The following AUTS2 variants were observed in gnomAD, a reference collection of about 807,000 sequenced individuals.
AUTS2 encodes the protein activator of transcription and developmental regulator AUTS2.
In AUTS2, 17 loss-of-function variants were observed where a neutral mutation model predicts 112.4. That is an observed-to-expected ratio of 0.15 (90% confidence interval 0.10 to 0.23). The LOEUF (loss-of-function observed/expected upper bound fraction) is 0.23. AUTS2 is among the 10% of genes least tolerant of loss of function. The probability of loss-of-function intolerance (pLI) is 1.00; values close to 1 mark genes in which losing one functional copy is unlikely to be tolerated. For synonymous variants in AUTS2, 751 were observed against 702.7 expected (o/e 1.07, Z -1.09); for missense variants, 1,510 against 1,701.6 (o/e 0.89, Z 1.98).
At chr7:70,477,230 T>G (rs1377289152) in intron 5 of AUTS2, among the ~76,000 whole-genome samples, 1 of 152,200 alleles carries the variant, frequency 6.6e-6, no homozygotes, top group Non-Finnish European at 1.5e-5. Context: ...AGCCATATTT[T>G]TCAGTTGCCA....
At chr7:70,135,109 A>T (rs371975992) in intron 4 of AUTS2, among the ~76,000 whole-genome samples, 4 of 152,066 alleles carry the variant, frequency 2.6e-5, no homozygotes, top group South Asian at 2.1e-4. Flanking sequence ...CTAAAATGCA[A>T]AGTTTATTTC....
intron 4 of AUTS2, among the ~76,000 whole-genome samples, chr7:70,218,826 C>T (rs571370921): frequency 5.9e-5 from 9 of 152,132 alleles, no homozygotes; most frequent in Non-Finnish European, 1.0e-4. Flanking sequence ...CCAGAACCTA[C>T]CTTCTTCCAG....
At chr7:70,383,449 G>T (rs1196921464) in intron 4 of AUTS2, among the ~76,000 whole-genome samples, 1 of 152,200 alleles carries the variant, frequency 6.6e-6, no homozygotes, top group African/African-American at 2.4e-5. Context: ...CCCATTGCCT[G>T]TAAGAAAGCC....
intron 2 of AUTS2, among the ~76,000 whole-genome samples, chr7:69,988,159 G>A (rs1056146497): frequency 3.9e-5 from 6 of 152,234 alleles, no homozygotes; most frequent in Middle Eastern, 3.4e-3. Context: ...CTTTTTTAGA[G>A]TCTCTTTTTT....
intron 5 of AUTS2, among the ~76,000 whole-genome samples, chr7:70,695,281 C>G (rs942657424): frequency 1.3e-5 from 2 of 152,182 alleles, no homozygotes; most frequent in Non-Finnish European, 2.9e-5. Flanking sequence ...CGGCCGGGCT[C>G]GGCCGGAGCT....
intron 1 of AUTS2, among the ~76,000 whole-genome samples, chr7:69,820,833 C>T (rs373859897): frequency 7.9e-5 from 12 of 152,176 alleles, no homozygotes; most frequent in East Asian, 3.9e-4. Flanking sequence ...CACACACACA[C>T]TCCGGACAAG....
chr7:69,906,612 A>G (rs1342322901), intron 2 of AUTS2, among the ~76,000 whole-genome samples: 1 of 152,220 alleles, frequency 6.6e-6, no homozygotes, highest in African/African-American at 2.4e-5. Flanking sequence ...GTTAATTGAA[A>G]ATGAAATTGT....
rs558283554 is a variant in AUTS2, at chr7:70,347,587, G to A, written c.661-88165G>A. Among the ~76,000 whole-genome samples the A allele has an allele frequency of 2.0e-5, 3 of 152,198 alleles. No individual in the cohort carries two copies. The South Asian group carries it at 6.2e-4, about 32-fold the overall frequency. ...AACCAGGAAGCAGAAGAGAACCCCA[G>A]CCACCTACCTACACTTCCCCCTCTT... On this transcript the variant is annotated intron_variant, in intron 4 of 18. Transcript: ENST00000342771.
At chr7:70,245,410 TTA>T (rs920737282) in intron 4 of AUTS2, among the ~76,000 whole-genome samples, 1 of 152,078 alleles carries the variant, frequency 6.6e-6, no homozygotes, top group African/African-American at 2.4e-5. Flanking sequence ...CAGTGAACAA[TTA>T]TTTGCCTTGC....
intron 5 of AUTS2, among the ~76,000 whole-genome samples, chr7:70,552,007 A>G (rs1005560423): frequency 3.9e-5 from 6 of 152,356 alleles, no homozygotes; most frequent in South Asian, 4.1e-4. Flanking sequence ...TTGCTGAATT[A>G]TCTCTGCCTC....
intron 2 of AUTS2, among the ~76,000 whole-genome samples, chr7:69,934,484 C>T (rs1196194343): frequency 6.6e-6 from 1 of 152,080 alleles, no homozygotes; most frequent in African/African-American, 2.4e-5. Context: ...GTGGAATTAT[C>T]CTGATGAAAG....
intron 1 of AUTS2, among the ~76,000 whole-genome samples, chr7:69,644,039 G>C (rs1794913609): frequency 1.3e-5 from 2 of 152,196 alleles, no homozygotes; most frequent in South Asian, 4.1e-4. Context: ...GCCCCCACCA[G>C]AACCCTATCA....
chr7:70,506,434 C>G (rs546937222), intron 5 of AUTS2, among the ~76,000 whole-genome samples: 2 of 152,256 alleles, frequency 1.3e-5, no homozygotes, highest in Non-Finnish European at 2.9e-5. Flanking sequence ...CATAGTTTAG[C>G]TTTTATCATC....
intron 6 of AUTS2, among the ~76,000 whole-genome samples, chr7:70,727,287 A>C (rs1787094628): frequency 6.6e-6 from 1 of 152,176 alleles, no homozygotes; most frequent in East Asian, 1.9e-4. Context: ...CTGTCATAGC[A>C]AGCAAAAGGG....
intron 4 of AUTS2, among the ~76,000 whole-genome samples, chr7:70,176,294 G>A (rs1253990388): frequency 1.3e-5 from 2 of 152,162 alleles, no homozygotes; most frequent in Non-Finnish European, 2.9e-5. Context: ...AATAGTAGTA[G>A]TATAATAAAA....
At chr7:70,675,523 A>G (rs1807867235) in intron 5 of AUTS2, among the ~76,000 whole-genome samples, 1 of 152,176 alleles carries the variant, frequency 6.6e-6, no homozygotes, top group Admixed American at 6.5e-5. Context: ...CGTTTGTTCC[A>G]GTTCTCTACT....
At chr7:70,011,934 G>C (rs2129554281) in intron 2 of AUTS2, among the ~76,000 whole-genome samples, 1 of 152,230 alleles carries the variant, frequency 6.6e-6, no homozygotes, top group Middle Eastern at 3.4e-3. Context: ...CTACACAGTG[G>C]AGAGGAGGGA....
chr7:69,950,074 G>A (rs1434823559), intron 2 of AUTS2, among the ~76,000 whole-genome samples: 2 of 151,884 alleles, frequency 1.3e-5, no homozygotes, highest in African/African-American at 4.8e-5. Context: ...GAATAATTGG[G>A]GCTGATTTTT....
intron 2 of AUTS2, among the ~76,000 whole-genome samples, chr7:70,084,189 T>A (rs1803470805): frequency 6.6e-6 from 1 of 152,114 alleles, no homozygotes; most frequent in South Asian, 2.1e-4. Flanking sequence ...TGTTTGTCCT[T>A]TTTTTTGGAG....
Sources: gnomAD v4.1 joint callset for allele counts (sites outside exome capture counted in the v4.1 genomes callset) on GRCh38, gnomAD v4.1.1 for gene constraint, MANE v1.5 for transcripts, NCBI Gene and HGNC (gene_info 2026-07-23, HGNC 2026-07-21) for gene names.